Variants in CNTNAP5 observed in about 807,000 individuals in gnomAD.
CNTNAP5 encodes contactin-associated protein-like 5.
A neutral mutation model predicts 150.2 loss-of-function variants in CNTNAP5; 72 were observed. The ratio of observed to expected loss-of-function variants is 0.48; its 90% CI spans 0.40 to 0.58. The LOEUF (loss-of-function observed/expected upper bound fraction) is 0.58. Among genes scored for constraint, CNTNAP5 ranks in the 20% least tolerant of loss-of-function variants. The pLI is 0.00. For missense variants in CNTNAP5, 1,636 were observed against 1,626.2 expected (o/e 1.01, Z -0.10); for synonymous variants, 672 against 619.8 (o/e 1.08, Z -1.25).
intron 3 of CNTNAP5, among the ~76,000 whole-genome samples, chr2:124,252,945 T>C (rs1167892214): frequency 3.3e-5 from 5 of 152,034 alleles, no homozygotes; most frequent in Admixed American, 3.3e-4. Flanking sequence ...GGCGATCTTA[T>C]TATTTAAGAC....
intron 3 of CNTNAP5, among the ~76,000 whole-genome samples, chr2:124,392,171 G>A (rs554749222): frequency 6.6e-6 from 1 of 152,160 alleles, no homozygotes; most frequent in African/African-American, 2.4e-5. Context: ...CCTTTTAAAG[G>A]ACCAATTAGC....
chr2:124,433,898 A>G (rs1203056688), intron 4 of CNTNAP5, among the ~76,000 whole-genome samples: 1 of 152,210 alleles, frequency 6.6e-6, no homozygotes, highest in Non-Finnish European at 1.5e-5. Flanking sequence ...TAAAATGATA[A>G]ATATCACCAG....
intron 13 of CNTNAP5, among the ~76,000 whole-genome samples, chr2:124,745,912 A>T (rs1680594103): frequency 6.6e-6 from 1 of 152,198 alleles, no homozygotes; most frequent in Non-Finnish European, 1.5e-5. Context: ...AGTGGCTTTC[A>T]TGGGGATGAT....
At chr2:124,881,919 T>A in intron 21 of CNTNAP5, among the ~76,000 whole-genome samples, 1 of 151,992 alleles carries the variant, frequency 6.6e-6, no homozygotes, top group Non-Finnish European at 1.5e-5. Context: ...GTGGTAGACA[T>A]GTTTTCAATT....
chr2:124,556,650 T>C (rs1695761603), intron 10 of CNTNAP5, among the ~76,000 whole-genome samples: 1 of 152,030 alleles, frequency 6.6e-6, no homozygotes, highest in African/African-American at 2.4e-5. Flanking sequence ...TAGAGGAGCA[T>C]CGGGGTGGGG....
At chr2:124,251,662 A>T (rs1355610741) in intron 3 of CNTNAP5, among the ~76,000 whole-genome samples, 1 of 152,128 alleles carries the variant, frequency 6.6e-6, no homozygotes, top group African/African-American at 2.4e-5. Context: ...CAGAGGTAAG[A>T]AGAATGCATG....
intron 12 of CNTNAP5, among the ~76,000 whole-genome samples, chr2:124,635,136 G>C (rs1442979307): frequency 1.4e-4 from 22 of 152,116 alleles, no homozygotes. Context: ...AGTTCCACAG[G>C]CTGTACAGGA....
In CNTNAP5 at chr2:124,339,613, T is replaced by G. The variant is rs111431484; in HGVS notation, c.382-77830T>G. Among the ~76,000 whole-genome samples the G allele has an allele frequency of 7.4e-3, 1,127 of 152,280 alleles. 10 individuals carry two copies. Among genetic ancestry groups the G allele is most frequent in the African/African-American group, 0.022 (920 of 41,572 alleles). The stretch of plus-strand genomic sequence containing the variant: ...ATTTTTAACATACAAATATGTGTAA[T>G]TGCCTGATGGGTTTTTCGTGCTCAC... On this transcript the variant is annotated intron_variant, in intron 3 of 23. Transcript: ENST00000682447.
At chr2:124,259,455 G>A (rs574032891) in intron 3 of CNTNAP5, among the ~76,000 whole-genome samples, 1 of 152,142 alleles carries the variant, frequency 6.6e-6, no homozygotes, top group African/African-American at 2.4e-5. Context: ...AATGGTTGAA[G>A]TAGTTTACAG....
intron 11 of CNTNAP5, among the ~76,000 whole-genome samples, chr2:124,586,616 G>A (rs758469181): frequency 2.6e-5 from 4 of 152,256 alleles, no homozygotes; most frequent in Non-Finnish European, 5.9e-5. Context: ...TAGATGATGT[G>A]ATCAAGTCAG....
At chr2:124,442,595 C>A (rs2104802125) in intron 5 of CNTNAP5, among the ~76,000 whole-genome samples, 1 of 152,260 alleles carries the variant, frequency 6.6e-6, no homozygotes, top group Admixed American at 6.5e-5. Flanking sequence ...TAGAAGAATT[C>A]TTCAATGATC....
intron 2 of CNTNAP5, among the ~76,000 whole-genome samples, chr2:124,239,262 A>C (rs1686826369): frequency 6.6e-6 from 1 of 152,076 alleles, no homozygotes; most frequent in South Asian, 2.1e-4. Flanking sequence ...TTGCAAGCTA[A>C]ATTTCTTGTC....
chr2:124,343,207 T>G (rs1033015030), intron 3 of CNTNAP5, among the ~76,000 whole-genome samples: 1 of 152,172 alleles, frequency 6.6e-6, no homozygotes, highest in Non-Finnish European at 1.5e-5. Context: ...TATACAATAA[T>G]TAAATGTAAT....
chr2:124,125,729 C>T (rs1413391153), intron 1 of CNTNAP5, among the ~76,000 whole-genome samples: 1 of 152,144 alleles, frequency 6.6e-6, no homozygotes, highest in East Asian at 1.9e-4. Context: ...GATCACAGTG[C>T]AATGAAACTA....
intron 3 of CNTNAP5, among the ~76,000 whole-genome samples, chr2:124,408,412 G>A: frequency 6.6e-6 from 1 of 152,224 alleles, no homozygotes; most frequent in East Asian, 1.9e-4. Flanking sequence ...TGCCTCTGTA[G>A]GCTCCACCTC....
At chr2:124,158,767 A>G (rs1346626809) in intron 1 of CNTNAP5, among the ~76,000 whole-genome samples, 1 of 152,206 alleles carries the variant, frequency 6.6e-6, no homozygotes. Context: ...TCTAGGCATC[A>G]GATTGGTGCA....
intron 3 of CNTNAP5, among the ~76,000 whole-genome samples, chr2:124,331,774 C>A (rs1202226082): frequency 6.6e-6 from 1 of 151,886 alleles, no homozygotes; most frequent in Non-Finnish European, 1.5e-5. Context: ...TACAGCTAAT[C>A]AGAAGACTTA....
chr2:124,879,186 C>G (rs1397771594), intron 21 of CNTNAP5, among the ~76,000 whole-genome samples: 1 of 152,058 alleles, frequency 6.6e-6, no homozygotes. Flanking sequence ...CTCTCCACTT[C>G]TCAGCATGGG....
intron 7 of CNTNAP5, among the ~76,000 whole-genome samples, chr2:124,480,541 C>G (rs1164404148): frequency 1.3e-5 from 2 of 152,164 alleles, no homozygotes; most frequent in Admixed American, 6.5e-5. Context: ...TACACACACA[C>G]GTAGTGACAG....
Sources: allele counts gnomAD v4.1 joint callset (sites outside exome capture counted in the v4.1 genomes callset), GRCh38; gene constraint gnomAD v4.1.1; transcripts MANE v1.5; gene names NCBI Gene and HGNC (gene_info 2026-07-23, HGNC 2026-07-21).